ASIC2: variants seen among roughly 807,000 people sequenced by gnomAD.
The protein encoded by ASIC2 is acid sensing ion channel subunit 2, also known as acid-sensing ion channel 2.
Under a neutral mutation model 57.3 loss-of-function variants are expected in ASIC2, and 25 were observed. The ratio of observed to expected loss-of-function variants is 0.44; its 90% CI spans 0.32 to 0.61. The LOEUF (loss-of-function observed/expected upper bound fraction) is 0.61. Ranked by LOEUF, ASIC2 falls within the 20% of genes least tolerant of loss-of-function variation. The pLI is 0.06. For missense variants in ASIC2, 641 were observed against 738.1 expected (o/e 0.87, Z 1.52); for synonymous variants, 319 against 307.5 (o/e 1.04, Z -0.39).
At chr17:33,424,951 C>T (rs1247714046) in intron 1 of ASIC2, among the ~76,000 whole-genome samples, 10 of 152,104 alleles carry the variant, frequency 6.6e-5, no homozygotes, top group South Asian at 4.2e-4. Context: ...CTTGGAGTGC[C>T]CAGAGATTTT....
At chr17:33,615,216 T>C (rs570675594) in intron 1 of ASIC2, among the ~76,000 whole-genome samples, 1 of 152,346 alleles carries the variant, frequency 6.6e-6, no homozygotes, top group Non-Finnish European at 1.5e-5. Context: ...AATCTGAGAA[T>C]ATGGCTAATT....
chr17:33,235,226 A>G (rs1425620771), intron 1 of ASIC2, among the ~76,000 whole-genome samples: 6 of 152,176 alleles, frequency 3.9e-5, no homozygotes, highest in Non-Finnish European at 7.3e-5. Flanking sequence ...AAACCAAACT[A>G]GGTCAGTGTG....
intron 1 of ASIC2, among the ~76,000 whole-genome samples, chr17:33,213,976 G>T (rs577031958): frequency 1.3e-5 from 2 of 152,300 alleles, no homozygotes; most frequent in Non-Finnish European, 1.5e-5. Context: ...TTCTGAGGGG[G>T]GCTGAGCCTA....
intron 1 of ASIC2, among the ~76,000 whole-genome samples, chr17:33,989,633 A>G (rs147135252): frequency 1.6e-3 from 244 of 152,256 alleles, no homozygotes; most frequent in African/African-American, 5.6e-3. Flanking sequence ...CAAAAGACCT[A>G]CTTTTGAGGA....
At chr17:33,507,073 G>C (rs1914286187) in intron 1 of ASIC2, among the ~76,000 whole-genome samples, 1 of 152,198 alleles carries the variant, frequency 6.6e-6, no homozygotes, top group Non-Finnish European at 1.5e-5. Flanking sequence ...ACTTGGACAA[G>C]CTGCTCGGCA....
chr17:34,019,353 T>G (rs1567789903), intron 1 of ASIC2, among the ~76,000 whole-genome samples: 1 of 152,190 alleles, frequency 6.6e-6, no homozygotes, highest in African/African-American at 2.4e-5. Flanking sequence ...AGTACTACTG[T>G]GGGTAAAATG....
At chr17:33,174,050 T>C (rs1905638426) in intron 1 of ASIC2, among the ~76,000 whole-genome samples, 1 of 152,148 alleles carries the variant, frequency 6.6e-6, no homozygotes, top group Non-Finnish European at 1.5e-5. Flanking sequence ...CAGAAAGCCT[T>C]GAAGACAACC....
chr17:33,200,743 C>T (rs1283611722), intron 1 of ASIC2, among the ~76,000 whole-genome samples: 1 of 152,186 alleles, frequency 6.6e-6, no homozygotes, highest in Non-Finnish European at 1.5e-5. Flanking sequence ...TTGCCCCCTG[C>T]AGTTTATTCC....
At chr17:34,024,834 T>C (rs1302376069) in intron 1 of ASIC2, among the ~76,000 whole-genome samples, 1 of 152,228 alleles carries the variant, frequency 6.6e-6, no homozygotes, top group Non-Finnish European at 1.5e-5. Context: ...CAGGGTTTAC[T>C]TGAATCCTCT....
chr17:33,456,105 G>A (rs780117232), intron 1 of ASIC2, among the ~76,000 whole-genome samples: 1 of 152,190 alleles, frequency 6.6e-6, no homozygotes, highest in South Asian at 2.1e-4. Flanking sequence ...GTTTTTCTGC[G>A]CTTAATATGT....
At chr17:33,691,823 ATGTG>A (rs750975928) in intron 1 of ASIC2, among the ~76,000 whole-genome samples, 2 of 138,568 alleles carry the variant, frequency 1.4e-5, no homozygotes, top group South Asian at 4.2e-4. Flanking sequence ...ATATGCATGC[ATGTG>A]TGTGTGTGTG....
chr17:34,028,330 C>T (rs557251174), intron 1 of ASIC2, among the ~76,000 whole-genome samples: 129 of 152,172 alleles, frequency 8.5e-4, no homozygotes, highest in Non-Finnish European at 1.7e-3. Flanking sequence ...AAGAGAATCT[C>T]CTTTCTTTGC....
chr17:33,153,659 T>G (rs1230306942), intron 1 of ASIC2, among the ~76,000 whole-genome samples: 2 of 152,196 alleles, frequency 1.3e-5, no homozygotes, highest in Non-Finnish European at 2.9e-5. Context: ...TGATTTCATG[T>G]CTATGGTGAA....
intron 1 of ASIC2, among the ~76,000 whole-genome samples, chr17:33,162,944 T>C (rs910455940): frequency 3.3e-5 from 5 of 152,214 alleles, no homozygotes; most frequent in African/African-American, 2.4e-5. Context: ...GAATCCCTTT[T>C]ATACCTAAAG....
At chr17:33,865,640 C>G (rs1033864974) in intron 1 of ASIC2, among the ~76,000 whole-genome samples, 7 of 150,878 alleles carry the variant, frequency 4.6e-5, no homozygotes, top group Non-Finnish European at 8.8e-5. Flanking sequence ...GGAGATATAC[C>G]TAATGCTAGA....
chr17:33,571,003 G>A (rs1358477977), intron 1 of ASIC2, among the ~76,000 whole-genome samples: 1 of 152,206 alleles, frequency 6.6e-6, no homozygotes, highest in East Asian at 1.9e-4. Flanking sequence ...GTTGGAGAAA[G>A]AGATTTCACT....
At chr17:33,276,619 T>C (rs1904715966) in intron 1 of ASIC2, among the ~76,000 whole-genome samples, 1 of 152,200 alleles carries the variant, frequency 6.6e-6, no homozygotes, top group African/African-American at 2.4e-5. Context: ...AGGAACTAAC[T>C]CCTTTTGGAG....
At position 33,140,010 on chromosome 17, in the gene ASIC2, G is replaced by A. The variant is rs370285477; in HGVS notation, c.709-27943C>T. Among the ~76,000 whole-genome samples the A allele has an allele frequency of 7.9e-5, 12 of 152,316 alleles. No homozygotes were observed. In the East Asian group the frequency reaches 2.3e-3, roughly 29 times the overall value. On this transcript the variant is annotated intron_variant, in intron 1 of 9. Transcript: ENST00000225823. Reference sequence around the variant, plus strand: ...TGTGCTATACAGAAGGGATTATTTGGGTGTTTTTTCAAATGTCTTCTGGGG... The same window carrying A: ...TGTGCTATACAGAAGGGATTATTTGAGTGTTTTTTCAAATGTCTTCTGGGG...
intron 1 of ASIC2, among the ~76,000 whole-genome samples, chr17:33,509,176 A>T (rs1215356759): frequency 2.0e-5 from 3 of 152,114 alleles, no homozygotes; most frequent in Admixed American, 2.0e-4. Flanking sequence ...GGAGGAAGGT[A>T]GGACGGAGGG....
Sources: allele counts gnomAD v4.1 joint callset (sites outside exome capture counted in the v4.1 genomes callset), GRCh38; gene constraint gnomAD v4.1.1; transcripts MANE v1.5; gene names NCBI Gene and HGNC (gene_info 2026-07-23, HGNC 2026-07-21).